The following MALRD1 variants were observed in gnomAD, a reference collection of about 807,000 sequenced individuals.
The protein encoded by MALRD1 is MAM and LDL receptor class A domain containing 1.
MALRD1 carries 247 observed loss-of-function variants against 242.1 expected under a neutral mutation model. The observed-to-expected ratio is 1.02, with a 90% CI of 0.92 to 1.13. The LOEUF is 1.13. Ranked by LOEUF, MALRD1 falls within the 50% of genes most tolerant of loss-of-function variation. MALRD1 has a pLI of 0.00. For missense variants in MALRD1, 2,989 were observed against 2,533.1 expected (o/e 1.18, Z -3.86); for synonymous variants, 995 against 866.6 (o/e 1.15, Z -2.60).
intron 22 of MALRD1, among the ~76,000 whole-genome samples, chr10:19,324,456 T>C (rs1843032028): frequency 6.6e-6 from 1 of 152,154 alleles, no homozygotes; most frequent in Non-Finnish European, 1.5e-5. Flanking sequence ...TGTCTTCTTG[T>C]TGCCTTTGAT....
intron 28 of MALRD1, among the ~76,000 whole-genome samples, chr10:19,429,442 T>C (rs1240136381): frequency 6.6e-6 from 1 of 152,132 alleles, no homozygotes; most frequent in Non-Finnish European, 1.5e-5. Context: ...TGCACACCTG[T>C]GATCCCAGCT....
intron 24 of MALRD1, among the ~76,000 whole-genome samples, chr10:19,342,601 A>G (rs939209949): frequency 1.3e-5 from 2 of 152,186 alleles, no homozygotes; most frequent in Admixed American, 1.3e-4. Flanking sequence ...GTGGGCTTTC[A>G]TGAAAGTAAC....
At chr10:19,456,562 CT>C (rs1377975069) in intron 29 of MALRD1, among the ~76,000 whole-genome samples, 2 of 152,096 alleles carry the variant, frequency 1.3e-5, no homozygotes, top group African/African-American at 4.8e-5. Flanking sequence ...TAGAGTTTAA[CT>C]TCAGAACTTA....
At position 19,165,734 on chromosome 10, in the gene MALRD1, G is replaced by C; in HGVS notation, c.1754G>C (p.Arg585Thr). 2 of 1,231,656 alleles carry C rather than the reference G, an allele frequency of 1.6e-6. No individual in the cohort carries two copies. Among genetic ancestry groups the C allele is most frequent in the Non-Finnish European group, 2.0e-6 (2 of 987,946 alleles). The allele number at this position is 1,231,656 out of a possible 1,614,324, so 76.3% of individuals were successfully genotyped here. A position where few individuals can be genotyped will look rare whatever the true frequency, so the allele number is the denominator to read the frequency against. ...TTGCAAAAGCAGGGCAAAATAATCA[G>C]ATTCTCCGAATCTCAGTGGAGCCAC... is the stretch of plus-strand genomic sequence containing the variant. ...GNLQKQGKII[R>T]FSESQWSHAK... The change falls in exon 13 of 40, where the codon AGA (arginine) becomes ACA (threonine). Residue 585 changes from arginine (R) to threonine (T), a missense_variant. Physicochemically the swap from Arg to Thr is moderately conservative, Grantham distance 71. Transcript: ENST00000454679.
intron 36 of MALRD1, among the ~76,000 whole-genome samples, chr10:19,630,470 A>G (rs1280270014): frequency 6.6e-6 from 1 of 152,176 alleles, no homozygotes; most frequent in East Asian, 1.9e-4. Context: ...AACATTTTCT[A>G]AGAATTACAT....
chr10:19,247,366 A>G (rs889280158), intron 18 of MALRD1, among the ~76,000 whole-genome samples: 1 of 152,100 alleles, frequency 6.6e-6, no homozygotes, highest in Admixed American at 6.6e-5. Flanking sequence ...TATCTCTTAA[A>G]TATTCAAGGA....
intron 34 of MALRD1, among the ~76,000 whole-genome samples, chr10:19,606,436 A>C (rs559631279): frequency 1.1e-4 from 16 of 152,272 alleles, no homozygotes; most frequent in Admixed American, 5.9e-4. Context: ...GGTTAAGTGC[A>C]AGACAGTTCT....
chr10:19,577,086 A>G (rs867872736), intron 33 of MALRD1, among the ~76,000 whole-genome samples: 3 of 151,930 alleles, frequency 2.0e-5, no homozygotes, highest in Non-Finnish European at 2.9e-5. Flanking sequence ...ATTGTATGTA[A>G]TATAACAATT....
intron 34 of MALRD1, among the ~76,000 whole-genome samples, chr10:19,600,083 C>T (rs1042673263): frequency 3.9e-5 from 6 of 152,086 alleles, no homozygotes; most frequent in African/African-American, 1.4e-4. Context: ...TTTCCAGTAG[C>T]GGTGGATGTG....
chr10:19,168,446 A>T (rs1392189252), intron 13 of MALRD1, among the ~76,000 whole-genome samples: 3 of 152,228 alleles, frequency 2.0e-5, no homozygotes, highest in Non-Finnish European at 2.9e-5. Context: ...TGAGAAGAAA[A>T]TAGAATGTCC....
chr10:19,652,041 G>T (rs1011915073), intron 36 of MALRD1, among the ~76,000 whole-genome samples: 1 of 152,152 alleles, frequency 6.6e-6, no homozygotes, highest in Admixed American at 6.5e-5. Context: ...GGGCGATACT[G>T]TCTCAGAAGC....
chr10:19,477,898 G>A (rs1043168022), intron 29 of MALRD1, among the ~76,000 whole-genome samples: 1 of 152,160 alleles, frequency 6.6e-6, no homozygotes, highest in Non-Finnish European at 1.5e-5. Context: ...TTGTACACAT[G>A]GTTGACAAAA....
At chr10:19,401,981 G>T (rs1846873785) in intron 28 of MALRD1, among the ~76,000 whole-genome samples, 1 of 152,196 alleles carries the variant, frequency 6.6e-6, no homozygotes, top group Non-Finnish European at 1.5e-5. Context: ...AAATATTGAA[G>T]AATGAGACTT....
chr10:19,585,632 G>T (rs938240110), intron 33 of MALRD1, among the ~76,000 whole-genome samples: 5 of 152,034 alleles, frequency 3.3e-5, no homozygotes, highest in Non-Finnish European at 5.9e-5. Context: ...TAGGTAACCC[G>T]ACCTTTCTTT....
intron 32 of MALRD1, among the ~76,000 whole-genome samples, chr10:19,539,754 T>A (rs1275181559): frequency 6.6e-6 from 1 of 151,764 alleles, no homozygotes; most frequent in Non-Finnish European, 1.5e-5. Flanking sequence ...TGGTGCAGTC[T>A]CCACTCACTG....
chr10:19,539,855 TGCGTGTGTGTGTGTGTGTGTGTG>T (rs1834866626), intron 32 of MALRD1, among the ~76,000 whole-genome samples: 5 of 87,396 alleles, frequency 5.7e-5, no homozygotes, highest in African/African-American at 2.0e-4. Flanking sequence ...CCCAGCTTTG[TGCGTGTGTGTGTGTGTGTGTGTG>T]TGTGTGTGTG....
At chr10:19,123,116 T>A (rs1837124374) in intron 5 of MALRD1, among the ~76,000 whole-genome samples, 1 of 152,150 alleles carries the variant, frequency 6.6e-6, no homozygotes, top group Non-Finnish European at 1.5e-5. Context: ...CGCCATATCT[T>A]GTATTGGACA....
At chr10:19,206,160 A>G (rs1836773857) in intron 17 of MALRD1, among the ~76,000 whole-genome samples, 2 of 151,884 alleles carry the variant, frequency 1.3e-5, no homozygotes, top group Non-Finnish European at 2.9e-5. Context: ...TGAAATACAG[A>G]TGCTAATTAC....
chr10:19,127,832 G>T (rs920255625), intron 7 of MALRD1, among the ~76,000 whole-genome samples: 7 of 149,138 alleles, frequency 4.7e-5, no homozygotes, highest in Admixed American at 3.5e-4. Context: ...AAATCATCCA[G>T]AGGGGCAAGA....
Sources: allele counts gnomAD v4.1 joint callset (sites outside exome capture counted in the v4.1 genomes callset), GRCh38; gene constraint gnomAD v4.1.1; transcripts MANE v1.5; gene names NCBI Gene and HGNC (gene_info 2026-07-23, HGNC 2026-07-21).